Variants in HPSE2 observed in about 807,000 individuals in gnomAD.
The protein encoded by HPSE2 is inactive heparanase-2.
A neutral mutation model predicts 60.5 loss-of-function variants in HPSE2; 38 were observed. The observed-to-expected ratio is 0.63, with a 90% CI of 0.48 to 0.82. The LOEUF (loss-of-function observed/expected upper bound fraction) is 0.82. Among genes scored for constraint, HPSE2 ranks in the 40% least tolerant of loss-of-function variants. The pLI is 0.00. For missense variants in HPSE2, 713 were observed against 740.4 expected (o/e 0.96, Z 0.43); for synonymous variants, 295 against 293.2 (o/e 1.01, Z -0.06).
At chr10:98,909,579 G>A (rs771249970) in intron 3 of HPSE2, among the ~76,000 whole-genome samples, 4 of 150,606 alleles carry the variant, frequency 2.7e-5, no homozygotes, top group African/African-American at 7.3e-5. Flanking sequence ...GCAGTGAGCC[G>A]AGATCGCGCC....
At chr10:98,973,248 A>G (rs1956002687) in intron 3 of HPSE2, among the ~76,000 whole-genome samples, 1 of 152,224 alleles carries the variant, frequency 6.6e-6, no homozygotes, top group Non-Finnish European at 1.5e-5. Flanking sequence ...TCAACAAAGT[A>G]GTAACACAAA....
chr10:99,104,585 TCATGCTGCTATAAAGACACATG>T (rs1331438639), intron 3 of HPSE2, among the ~76,000 whole-genome samples: 7 of 152,148 alleles, frequency 4.6e-5, no homozygotes, highest in Non-Finnish European at 8.8e-5. Context: ...GGATTATAAA[TCATGCTGCTATAAAGACACATG>T]CATATGTTTG....
intron 3 of HPSE2, among the ~76,000 whole-genome samples, chr10:98,769,053 T>C (rs571792834): frequency 6.6e-6 from 1 of 151,496 alleles, no homozygotes; most frequent in Admixed American, 6.6e-5. Flanking sequence ...TCTCAAATAA[T>C]AGTAATAATC....
intron 11 of HPSE2, among the ~76,000 whole-genome samples, chr10:98,466,975 C>T (rs1164770036): frequency 2.6e-5 from 4 of 152,224 alleles, no homozygotes; most frequent in African/African-American, 7.2e-5. Context: ...CCGCCCCTTC[C>T]AGCTCCCTTC....
chr10:99,143,773 CTT>C (rs1845950224), intron 3 of HPSE2, among the ~76,000 whole-genome samples: 1 of 152,164 alleles, frequency 6.6e-6, no homozygotes, highest in Non-Finnish European at 1.5e-5. Context: ...CTCATAGCCT[CTT>C]TGCTCTTAAG....
chr10:99,071,266 C>T (rs1186795023), intron 3 of HPSE2, among the ~76,000 whole-genome samples: 2 of 151,946 alleles, frequency 1.3e-5, no homozygotes, highest in African/African-American at 2.4e-5. Context: ...GATGGGGTTT[C>T]GCCATGTTGG....
At chr10:99,171,975 A>C (rs563398444) in intron 2 of HPSE2, among the ~76,000 whole-genome samples, 1 of 152,340 alleles carries the variant, frequency 6.6e-6, no homozygotes, top group East Asian at 1.9e-4. Context: ...CATCAACCAG[A>C]AAACAAAACA....
At chr10:98,689,243 A>G (rs1294478717) in intron 6 of HPSE2, among the ~76,000 whole-genome samples, 1 of 152,048 alleles carries the variant, frequency 6.6e-6, no homozygotes, top group Non-Finnish European at 1.5e-5. Flanking sequence ...GCTATTTGGT[A>G]TTAGCAATGA....
intron 9 of HPSE2, among the ~76,000 whole-genome samples, chr10:98,595,481 T>C (rs1945208562): frequency 6.6e-6 from 1 of 152,208 alleles, no homozygotes; most frequent in Admixed American, 6.5e-5. Flanking sequence ...AATGAGATTA[T>C]TTTCTTGATT....
rs75534122 is a variant in HPSE2, at chr10:99,145,467, A to G, written c.449-1068T>C. 2.0e-5 allele frequency among the ~76,000 whole-genome samples: 3 copies of G among 151,514 alleles called. No individual in the cohort carries two copies. The East Asian group carries it at 5.8e-4, about 29-fold the overall frequency. ...GGAGACTCTGTCTTAAAAAAAAAAA[A>G]AAAGAAGAAGAAGAATGCTTCCCAA... On this transcript the variant is annotated intron_variant, in intron 2 of 11. Coordinates refer to ENST00000370552, the MANE Select transcript of HPSE2 (RefSeq NM_021828.5).
intron 5 of HPSE2, among the ~76,000 whole-genome samples, chr10:98,713,479 C>T (rs1431332989): frequency 3.3e-5 from 5 of 151,648 alleles, no homozygotes; most frequent in African/African-American, 4.8e-5. Flanking sequence ...CATCACCCAC[C>T]GAAACCAGAG....
intron 9 of HPSE2, among the ~76,000 whole-genome samples, chr10:98,490,684 A>G (rs1941613506): frequency 6.6e-6 from 1 of 152,186 alleles, no homozygotes; most frequent in Non-Finnish European, 1.5e-5. Context: ...GTGCAGTGGG[A>G]CTGAGGTGAA....
chr10:98,984,016 C>T (rs1589461625), intron 3 of HPSE2, among the ~76,000 whole-genome samples: 6 of 152,302 alleles, frequency 3.9e-5, no homozygotes, highest in African/African-American at 1.2e-4. Flanking sequence ...GGGTGGAGCC[C>T]ACGGCAGCTC....
chr10:98,566,624 G>A (rs1404805905), intron 9 of HPSE2, among the ~76,000 whole-genome samples: 1 of 152,164 alleles, frequency 6.6e-6, no homozygotes, highest in Non-Finnish European at 1.5e-5. Flanking sequence ...GACTTTGTGC[G>A]AAGGCAGCAC....
intron 3 of HPSE2, among the ~76,000 whole-genome samples, chr10:98,758,700 C>T (rs939758716): frequency 1.3e-5 from 2 of 152,128 alleles, no homozygotes; most frequent in African/African-American, 2.4e-5. Context: ...TGCTGGTGAG[C>T]TTGCGGAGAA....
At chr10:99,139,739 A>G (rs1845797431) in intron 3 of HPSE2, among the ~76,000 whole-genome samples, 1 of 152,200 alleles carries the variant, frequency 6.6e-6, no homozygotes, top group Non-Finnish European at 1.5e-5. Flanking sequence ...TACAATCTTT[A>G]GCCCTCTAGA....
intron 4 of HPSE2, among the ~76,000 whole-genome samples, chr10:98,727,268 C>T (rs553451323): frequency 6.6e-6 from 1 of 152,226 alleles, no homozygotes; most frequent in South Asian, 2.1e-4. Context: ...AAAAGTTTGA[C>T]TCATACCAGC....
At chr10:99,204,593 A>G (rs1280689396) in intron 2 of HPSE2, among the ~76,000 whole-genome samples, 1 of 152,242 alleles carries the variant, frequency 6.6e-6, no homozygotes, top group Non-Finnish European at 1.5e-5. Context: ...ACCGCCTGAT[A>G]AATAATTTAA....
chr10:99,299,902 C>G, the HPSE2 span, among the ~76,000 whole-genome samples: 36 of 151,954 alleles, frequency 2.4e-4, 1 homozygote, highest in African/African-American at 8.7e-4. Flanking sequence ...CATTGCGTTA[C>G]TTAGTCTGCC....
Sources: gnomAD v4.1 joint callset for allele counts (sites outside exome capture counted in the v4.1 genomes callset) on GRCh38, gnomAD v4.1.1 for gene constraint, MANE v1.5 for transcripts, NCBI Gene and HGNC (gene_info 2026-07-23, HGNC 2026-07-21) for gene names.